IFT80: variants seen among roughly 807,000 people sequenced by gnomAD.
IFT80 encodes intraflagellar transport protein 80 homolog.
A neutral mutation model predicts 107.9 loss-of-function variants in IFT80; 79 were observed. The ratio of observed to expected loss-of-function variants is 0.73; its 90% CI spans 0.61 to 0.88. The LOEUF is 0.88. IFT80 is among the 40% of genes least tolerant of loss of function. The probability of loss-of-function intolerance (pLI) is 0.00; values close to 1 mark genes in which losing one functional copy is unlikely to be tolerated. For synonymous variants in IFT80, 299 were observed against 300.9 expected (o/e 0.99, Z 0.07); for missense variants, 797 against 914.2 (o/e 0.87, Z 1.65).
At position 160,278,531 on chromosome 3, in the gene IFT80, C is replaced by G. The variant is rs11928291; in HGVS notation, c.1836+662G>C. Among the ~76,000 whole-genome samples, 204 of 152,262 alleles carry G rather than the reference C, an allele frequency of 1.3e-3. 1 individual carries two copies. Among genetic ancestry groups the G allele is most frequent in the African/African-American group, 4.6e-3 (192 of 41,548 alleles). On this transcript the variant is annotated intron_variant, in intron 16 of 19. Coordinates refer to ENST00000326448, the MANE Select transcript of IFT80 (RefSeq NM_020800.3). ...TTGGATTCCTCTCTCTGGCAAGGAG[C>G]TGCTCTCCTCTCTCCTTTCTTCTGC...
At chr3:160,308,955 A>C in intron 9 of IFT80, among the ~76,000 whole-genome samples, 1 of 152,176 alleles carries the variant, frequency 6.6e-6, no homozygotes. Flanking sequence ...CCATATATGA[A>C]TTAGAAAGTA....
At chr3:160,273,909 G>C (rs1345713048) in intron 18 of IFT80, among the ~76,000 whole-genome samples, 6 of 152,158 alleles carry the variant, frequency 3.9e-5, no homozygotes, top group Non-Finnish European at 5.9e-5. Flanking sequence ...AGAAACACAT[G>C]AAAAGGAGAT....
chr3:160,264,899 C>A (rs1257748231), intron 19 of IFT80, among the ~76,000 whole-genome samples: 1 of 152,118 alleles, frequency 6.6e-6, no homozygotes, highest in African/African-American at 2.4e-5. Flanking sequence ...TTCTCATCTC[C>A]TACCCAACCT....
intron 19 of IFT80, among the ~76,000 whole-genome samples, chr3:160,264,837 A>G (rs372556371): frequency 1.3e-5 from 2 of 151,978 alleles, no homozygotes; most frequent in South Asian, 2.1e-4. Flanking sequence ...CAATCCCTCC[A>G]TTGCTTTTAC....
At chr3:160,366,336 G>T (rs1007065161) in intron 5 of IFT80, among the ~76,000 whole-genome samples, 184 bp from the exon 6 acceptor site, 2 of 151,860 alleles carry the variant, frequency 1.3e-5, no homozygotes, top group African/African-American at 2.4e-5. Flanking sequence ...GGTTAATATT[G>T]ACCTTTGAAA....
chr3:160,300,797 A>T (rs1716361785), intron 12 of IFT80, 86 bp downstream of exon 12: 1 of 1,047,844 alleles, frequency 9.5e-7, no homozygotes, highest in African/African-American at 1.6e-5. Context: ...GTACTGGTAG[A>T]TAAGAAAATG....
chr3:160,383,392 A>G (rs1712679872), intron 2 of IFT80: 1 of 821,658 alleles, frequency 1.2e-6, no homozygotes, highest in Admixed American at 6.2e-5. Context: ...ATCTTCACTT[A>G]ATAGTTAAAT....
At chr3:160,371,666 C>A (rs1711539095) in intron 5 of IFT80, among the ~76,000 whole-genome samples, 2 of 152,104 alleles carry the variant, frequency 1.3e-5, no homozygotes. Context: ...TGATCTCCAG[C>A]TCCTGGGCTC....
chr3:160,312,880 TATTA>T (rs1717456353), intron 9 of IFT80, among the ~76,000 whole-genome samples: 1 of 32,650 alleles, frequency 3.1e-5, no homozygotes, highest in African/African-American at 1.1e-4. Context: ...AATAAATATA[TATTA>T]TATATAAATA....
chr3:160,374,078 GA>G (rs1711787764), intron 5 of IFT80, among the ~76,000 whole-genome samples: 1 of 152,142 alleles, frequency 6.6e-6, no homozygotes, highest in Non-Finnish European at 1.5e-5. Flanking sequence ...TAGTAAATGG[GA>G]AGGAGATAAC....
chr3:160,337,467 C>T (rs557901912), intron 8 of IFT80, among the ~76,000 whole-genome samples: 8 of 151,526 alleles, frequency 5.3e-5, no homozygotes, highest in Non-Finnish European at 8.8e-5. Context: ...ACTAAAAATA[C>T]GAAAAAAAAT....
intron 9 of IFT80, among the ~76,000 whole-genome samples, chr3:160,311,697 G>A (rs1426898998): frequency 2.0e-5 from 3 of 152,172 alleles, no homozygotes; most frequent in East Asian, 3.8e-4. Context: ...CAGATCCAGC[G>A]ATATGCAGCG....
chr3:160,259,912 CCT>C (rs1712679643), intron 19 of IFT80, among the ~76,000 whole-genome samples: 1 of 152,128 alleles, frequency 6.6e-6, no homozygotes, highest in Non-Finnish European at 1.5e-5. Flanking sequence ...TAGGTTTTCA[CCT>C]CTGTTTAGGG....
At chr3:160,291,047 C>T (rs1715513424) in intron 12 of IFT80, among the ~76,000 whole-genome samples, 1 of 152,156 alleles carries the variant, frequency 6.6e-6, no homozygotes, top group South Asian at 2.1e-4. Context: ...TCTAGTTCAA[C>T]AGGCCTTTAA....
chr3:160,279,389 A>G (rs774900986), intron 15 of IFT80, 25 bp from the exon 16 acceptor site: 1 of 1,603,014 alleles, frequency 6.2e-7, no homozygotes, highest in South Asian at 1.1e-5. Flanking sequence ...AGCAAAGTAC[A>G]ATTTAAAGTT....
At chr3:160,303,794 T>G in intron 11 of IFT80, 121 bp downstream of exon 11, 1 of 658,272 alleles carries the variant, frequency 1.5e-6, no homozygotes, top group Non-Finnish European at 2.8e-6. Flanking sequence ...AAATGTAAAA[T>G]AGAAACAGAT....
intron 8 of IFT80, among the ~76,000 whole-genome samples, chr3:160,322,003 G>GTTATTTATTTAT (rs145027648): frequency 1.6e-4 from 24 of 146,472 alleles, no homozygotes; most frequent in Admixed American, 9.0e-4. Flanking sequence ...TTGTCAGCTT[G>GTTATTTATTTAT]TTATTTATTT....
intron 9 of IFT80, 59 bp from the exon 10 acceptor site, chr3:160,307,840 A>G (rs564020650): frequency 2.5e-5 from 22 of 880,390 alleles, no homozygotes; most frequent in South Asian, 1.8e-4. Context: ...TTTTATTTAG[A>G]TAAGTTAGCA....
At position 160,258,313 on chromosome 3, in the gene IFT80, T is replaced by C. The variant is rs1712519042; in HGVS notation, c.*212A>G. 1.6e-6 allele frequency: 1 copy of C among 633,634 alleles called. No homozygotes were observed. Among genetic ancestry groups the C allele is most frequent in the Admixed American group, 2.9e-5 (1 of 34,112 alleles). The allele number at this position is 633,634 out of a possible 1,614,324, so 39.3% of individuals were successfully genotyped here. A position where few individuals can be genotyped will look rare whatever the true frequency, so the allele number is the denominator to read the frequency against. On this transcript the variant is annotated 3_prime_UTR_variant, in exon 20 of 20. Coordinates refer to ENST00000326448, the MANE Select transcript of IFT80 (RefSeq NM_020800.3). ...ATCTCTTAAGTACATAGTAATATTT[T>C]GCTAATTATTGGACTAAAAAATATA...
Sources: allele counts gnomAD v4.1 joint callset (sites outside exome capture counted in the v4.1 genomes callset), GRCh38; gene constraint gnomAD v4.1.1; transcripts MANE v1.5; gene names NCBI Gene and HGNC (gene_info 2026-07-23, HGNC 2026-07-21).